The following SPTAN1 variants were observed in gnomAD, a reference collection of about 807,000 sequenced individuals.
SPTAN1 encodes the protein spectrin alpha, non-erythrocytic 1, also known as spectrin alpha chain, non-erythrocytic 1.
In SPTAN1, 61 loss-of-function variants were observed where a neutral mutation model predicts 331.3. The ratio of observed to expected loss-of-function variants is 0.18; its 90% confidence interval spans 0.15 to 0.23. SPTAN1 has a LOEUF of 0.23. Ranked by LOEUF, SPTAN1 falls within the 10% of genes least tolerant of loss-of-function variation. SPTAN1 has a pLI of 1.00. For missense variants in SPTAN1, 2,043 were observed against 3,147.9 expected (o/e 0.65, Z 8.40); for synonymous variants, 1,153 against 1,173.9 (o/e 0.98, Z 0.36).
Position 128,618,861 on chromosome 9 carries a change from C to T in SPTAN1, c.5601-10C>T. On this transcript the variant is annotated splice_polypyrimidine_tract_variant and intron_variant, in intron 43 of 56. Coordinates refer to ENST00000372739, the MANE Select transcript of SPTAN1 (RefSeq NM_001130438.3). ...TTATGGCTGATTTTCTTCCTGTCTCCTGTAATTAGGGGTCAGCGGCTGGAA... is the reference window on the plus strand; with the variant it reads ...TTATGGCTGATTTTCTTCCTGTCTCTTGTAATTAGGGGTCAGCGGCTGGAA... 6.2e-7 allele frequency: 1 copy of T among 1,614,118 alleles called. No homozygotes were observed. The highest frequency in any genetic ancestry group is 8.5e-7 in the Non-Finnish European group (1 of 1,180,034).
Position 128,626,238 on chromosome 9 carries a change from G to C in SPTAN1, c.6280-153G>C. 3 of 1,069,128 alleles carry C rather than the reference G, an allele frequency of 2.8e-6. No individual in the cohort carries two copies. In the South Asian group the frequency reaches 3.8e-5, roughly 14 times the overall value. The allele number at this position is 1,069,128 out of a possible 1,614,324, so 66.2% of individuals were successfully genotyped here. On this transcript the variant is annotated intron_variant, in intron 48 of 56. Coordinates refer to ENST00000372739, the MANE Select transcript of SPTAN1 (RefSeq NM_001130438.3). ...GAAAAAAGGCTGGTGAAGACTTGAAGGGGGAGCAGGAGACAGGAGCAGAGG... is the reference window on the plus strand; with the variant it reads ...GAAAAAAGGCTGGTGAAGACTTGAACGGGGAGCAGGAGACAGGAGCAGAGG...
In SPTAN1 at chr9:128,625,932, C is replaced by G; in HGVS notation, c.6233C>G (p.Ala2078Gly). ...TGGAGCCAGCTTCTGGCCAACTCAG[C>G]CGCCCGCAAGAAGAAGCTTCTGGAG... ...KRWSQLLANSAARKKKLLEAQ... is the reference protein window; with the variant it reads ...KRWSQLLANSGARKKKLLEAQ... The change falls in exon 48 of 57, where the codon GCC becomes GGC. Residue 2078 changes from alanine (A) to glycine (G), a missense_variant. Ala to Gly is a moderately conservative substitution (Grantham distance 60, BLOSUM62 0). Coordinates refer to ENST00000372739, the MANE Select transcript of SPTAN1 (RefSeq NM_001130438.3). This position sits in a 1 kb window ranked among gnomAD's most constrained non-coding sequence, Gnocchi z 4.1. The G allele has an allele frequency of 6.2e-7, 1 of 1,614,202 alleles. No individual in the cohort carries two copies. The highest frequency in any genetic ancestry group is 8.5e-7 in the Non-Finnish European group (1 of 1,180,032).
rs1421999331 is a variant in SPTAN1 at position 128,605,305 on chromosome 9, C to T, written c.3874C>T (p.Leu1292Phe). Reference sequence around the variant, plus strand: ...CACTTTCTTCCCATAGGTAAACTCCCTTGGTGAAACAGCAGAGCGCCTGAT... The same window carrying T: ...CACTTTCTTCCCATAGGTAAACTCCTTTGGTGAAACAGCAGAGCGCCTGAT... ...LAALGDKVNSLGETAERLIQS... is the reference protein window; with the variant it reads ...LAALGDKVNSFGETAERLIQS... The change falls in exon 31 of 57, where the codon CTT becomes TTT. Residue 1292 changes from leucine (L) to phenylalanine (F), a missense_variant. Transcript: ENST00000372739. 6.2e-7 allele frequency: 1 copy of T among 1,614,180 alleles called. No individual in the cohort carries two copies. The highest frequency in any genetic ancestry group is 2.2e-5 in the East Asian group (1 of 44,880).
chr9:128,622,849 T>G (rs1005755709), intron 45 of SPTAN1, among the ~76,000 whole-genome samples: 3 of 151,554 alleles, frequency 2.0e-5, no homozygotes, highest in African/African-American at 7.3e-5. Context: ...ACCTCCTGGG[T>G]TCAAGTGACT....
In SPTAN1 at chr9:128,625,673, G is replaced by A. The variant is rs904832260; in HGVS notation, c.6070-96G>A. On this transcript the variant is annotated intron_variant, in intron 47 of 56. Coordinates refer to ENST00000372739, the MANE Select transcript of SPTAN1 (RefSeq NM_001130438.3). This position sits in a 1 kb window ranked among gnomAD's most constrained non-coding sequence, Gnocchi z 4.1. The stretch of plus-strand genomic sequence containing the variant: ...GTGTCCAGGTGGACAGTTTGGCTTG[G>A]GCATCTGGGGGACATGCTGGTGCCA... 1.5e-5 allele frequency: 18 copies of A among 1,180,510 alleles called. No individual in the cohort carries two copies. The highest frequency in any genetic ancestry group is 3.0e-5 in the African/African-American group (2 of 66,750). 73.1% of individuals were successfully genotyped at this position (1,180,510 alleles called of 1,614,324 possible).
intron 1 of SPTAN1, among the ~76,000 whole-genome samples, chr9:128,558,180 T>A (rs1848877939): frequency 6.6e-6 from 1 of 152,228 alleles, no homozygotes; most frequent in Non-Finnish European, 1.5e-5. Flanking sequence ...ATTGTAAGAA[T>A]GCTGACAAGT....
At chr9:128,574,543 T>G in intron 3 of SPTAN1, 132 bp from the exon 4 acceptor site, 1 of 1,073,856 alleles carries the variant, frequency 9.3e-7, no homozygotes, top group Non-Finnish European at 1.4e-6. Context: ...TCCTCTCAGT[T>G]TAGGGATTAT....
intron 1 of SPTAN1, among the ~76,000 whole-genome samples, chr9:128,554,184 A>C (rs1848414346): frequency 6.6e-6 from 1 of 152,212 alleles, no homozygotes; most frequent in East Asian, 1.9e-4. Flanking sequence ...AGGGACCCTC[A>C]AAGTGTGTTA....
chr9:128,588,657 G>C (rs900474378), intron 20 of SPTAN1, 152 bp from the exon 21 acceptor site: 9 of 1,172,048 alleles, frequency 7.7e-6, no homozygotes, highest in Non-Finnish European at 8.7e-6. Context: ...AAAGTTCTTG[G>C]ATCAGATTTT....
At chr9:128,554,589 A>G (rs1848447414) in intron 1 of SPTAN1, among the ~76,000 whole-genome samples, 1 of 152,192 alleles carries the variant, frequency 6.6e-6, no homozygotes, top group South Asian at 2.1e-4. Context: ...AGAATGGACA[A>G]GTGTGTTCAA....
intron 27 of SPTAN1, among the ~76,000 whole-genome samples, chr9:128,603,120 A>G (rs1481550525): frequency 6.6e-6 from 1 of 152,064 alleles, no homozygotes; most frequent in Non-Finnish European, 1.5e-5. Flanking sequence ...ATAATTGGAG[A>G]TGAAAGTGAT....
intron 14 of SPTAN1, 78 bp from the exon 15 acceptor site, chr9:128,582,999 G>A (rs1472807879): frequency 6.4e-7 from 1 of 1,570,900 alleles, no homozygotes; most frequent in Non-Finnish European, 8.7e-7. Context: ...CCTCCATAAA[G>A]ATAAGTATGA....
At position 128,579,717 on chromosome 9, in the gene SPTAN1, C is replaced by T; in HGVS notation, c.1302C>T (p.Ala434=). The T allele has an allele frequency of 6.2e-7, 1 of 1,614,006 alleles. No individual in the cohort carries two copies. Among genetic ancestry groups the T allele is most frequent in the Non-Finnish European group, 8.5e-7 (1 of 1,179,956 alleles). The change falls in exon 10 of 57, where the codon GCC becomes GCT. Residue 434 remains alanine, a synonymous_variant. Coordinates refer to ENST00000372739, the MANE Select transcript of SPTAN1 (RefSeq NM_001130438.3). ...CACTGCTTGCTGCTGGTCACTATGC[C>T]TCAGATGAAGTGAGGGAGAAGGTAA... The part of the protein sequence containing the change: ...GQALLAAGHY[A]SDEVREKLTV...
rs1355265981 is a variant in SPTAN1 at position 128,632,698 on chromosome 9, G to A, written c.7140G>A (p.Leu2380=). 6.2e-7 allele frequency: 1 copy of A among 1,614,044 alleles called. No individual in the cohort carries two copies. Among genetic ancestry groups the A allele is most frequent in the Non-Finnish European group, 8.5e-7 (1 of 1,180,044 alleles). The part of the protein sequence containing the change: ...GEPDPEFEAI[L]DTVDPNRDGH... ...CTGACCCTGAGTTCGAGGCAATCCT[G>A]GACACGGTGGATCCGAACAGGTAAA... The change falls in exon 55 of 57, where the codon CTG becomes CTA. Residue 2380 remains leucine, a synonymous_variant. Coordinates refer to ENST00000372739, the MANE Select transcript of SPTAN1 (RefSeq NM_001130438.3).
In SPTAN1 at chr9:128,625,789, G is replaced by A. The variant is rs761497643; in HGVS notation, c.6090G>A (p.Leu2030=). The stretch of plus-strand genomic sequence containing the variant: ...TTCAGGAAACTTTTGACGCTGGGCT[G>A]CAGGCCTTCCAGCAGGAAGGCATTG... The part of the protein sequence containing the change: ...LTKQETFDAG[L]QAFQQEGIAN... The change falls in exon 48 of 57, where the codon CTG becomes CTA. Residue 2030 remains leucine, a synonymous_variant. Coordinates refer to ENST00000372739, the MANE Select transcript of SPTAN1 (RefSeq NM_001130438.3). The surrounding 1 kb of genome is among the most constrained non-coding windows in gnomAD (Gnocchi z 4.1). 3 of 1,614,074 alleles carry A rather than the reference G, an allele frequency of 1.9e-6. No individual in the cohort carries two copies. The highest frequency in any genetic ancestry group is 2.5e-6 in the Non-Finnish European group (3 of 1,180,032).
intron 51 of SPTAN1, 62 bp downstream of exon 51, chr9:128,628,004 C>G (rs762357753): frequency 1.2e-6 from 2 of 1,606,118 alleles, no homozygotes; most frequent in Non-Finnish European, 1.7e-6. Flanking sequence ...GCTTGCCCCT[C>G]GTGGCCTGGC....
chr9:128,552,848 G>C lies in SPTAN1; in HGVS notation c.-4+152G>C, dbSNP rs919612416. 2 of 152,264 alleles carry C rather than the reference G, an allele frequency of 1.3e-5. No individual in the cohort carries two copies. Among genetic ancestry groups the C allele is most frequent in the African/African-American group, 4.8e-5 (2 of 41,436 alleles). The allele number at this position is 152,264 out of a possible 1,614,324, so 9.4% of individuals were successfully genotyped here. The stretch of plus-strand genomic sequence containing the variant: ...CGGGGCTGCCTCCATTCGGCTGAGT[G>C]GGGGAAGCCGCTGCCGCTGCTTTTG... On this transcript the variant is annotated intron_variant, in intron 1 of 56. Coordinates refer to ENST00000372739, the MANE Select transcript of SPTAN1 (RefSeq NM_001130438.3). This position sits in a 1 kb window ranked among gnomAD's most constrained non-coding sequence, Gnocchi z 4.6.
rs147708363 is a variant in SPTAN1 at position 128,575,279 on chromosome 9, A to G, written c.585A>G (p.Gln195=). 1.9e-6 allele frequency: 3 copies of G among 1,614,060 alleles called. No individual in the cohort carries two copies. In the African/African-American group the frequency reaches 4.0e-5, roughly 22 times the overall value. Residue 195 remains glutamine (Q), a synonymous_variant, in exon 5 of 57, where the codon CAA becomes CAG. Transcript: ENST00000372739. ...TACAGAAGAAATTTGAAGAGTTTCA[A>G]ACAGATATGGCTGCTCATGAAGAAA... is the stretch of plus-strand genomic sequence containing the variant. The part of the protein sequence containing the change: ...EVLQKKFEEF[Q]TDMAAHEERV...
At position 128,632,930 on chromosome 9, in the gene SPTAN1, A is replaced by T; in HGVS notation, c.7283A>T (p.Tyr2428Phe). 6.2e-7 allele frequency: 1 copy of T among 1,613,298 alleles called. No individual in the cohort carries two copies. The highest frequency in any genetic ancestry group is 8.5e-7 in the Non-Finnish European group (1 of 1,180,036). ...GCCCTCAGCTCAGAGGGAAAGCCTT[A>T]CGTGACCAAGGAGGAGCTCTACCAG... ...FRALSSEGKP[Y>F]VTKEELYQNL... is the part of the protein sequence containing the mutation. The change falls in exon 56 of 57, where the codon TAC (tyrosine) becomes TTC (phenylalanine). Residue 2428 changes from tyrosine (Y) to phenylalanine (F), a missense_variant. Physicochemically the swap from Tyr to Phe is conservative, Grantham distance 22. Transcript: ENST00000372739.
Sources: gnomAD v4.1 joint callset for allele counts (sites outside exome capture counted in the v4.1 genomes callset) on GRCh38, gnomAD v4.1.1 for gene constraint, Gnocchi (gnomAD v3.1) non-coding constraint, MANE v1.5 for transcripts, NCBI Gene and HGNC (gene_info 2026-07-23, HGNC 2026-07-21) for gene names.